The following MSN variants were observed in gnomAD, a reference collection of about 807,000 sequenced individuals.
MSN encodes the protein moesin.
MSN carries 2 observed loss-of-function variants against 48.0 expected under a neutral mutation model. That is an observed-to-expected ratio of 0.04 (90% confidence interval 0.02 to 0.13). MSN has a LOEUF of 0.13. Ranked by LOEUF, MSN falls within the 10% of genes least tolerant of loss-of-function variation. The probability of loss-of-function intolerance (pLI) is 1.00; values close to 1 mark genes in which losing one functional copy is unlikely to be tolerated. For synonymous variants in MSN, 146 were observed against 166.9 expected (o/e 0.87, Z 0.97); for missense variants, 267 against 470.1 (o/e 0.57, Z 3.99).
At chrX:65,736,626 CG>C (rs2071679186) in intron 8 of MSN, among the ~76,000 whole-genome samples, 168 bp from the exon 9 acceptor site, 1 of 110,067 alleles carries the variant, frequency 9.1e-6, no homozygotes, top group African/African-American at 3.3e-5. Flanking sequence ...TTAGTAGAGA[CG>C]GGGTTTCACT....
chrX:65,688,817 A>C (rs920112409), intron 1 of MSN, among the ~76,000 whole-genome samples: 1 of 111,991 alleles, frequency 8.9e-6, no homozygotes. Context: ...CTTCCTGTGT[A>C]ACCCATTCTT....
At chrX:65,690,892 T>C (rs759414375) in intron 1 of MSN, among the ~76,000 whole-genome samples, 2 of 111,447 alleles carry the variant, frequency 1.8e-5, no homozygotes, top group Non-Finnish European at 3.8e-5. Flanking sequence ...AGTGTGGTCT[T>C]TGATTATTTT....
chrX:65,696,837 A>G (rs2071247147), intron 1 of MSN, among the ~76,000 whole-genome samples: 1 of 111,515 alleles, frequency 9.0e-6, no homozygotes, highest in African/African-American at 3.3e-5. Context: ...ACCTCAAGCT[A>G]CATAGGGACC....
intron 1 of MSN, chrX:65,593,127 C>G (rs1190817499): frequency 9.0e-6 from 1 of 111,011 alleles, no homozygotes; most frequent in African/African-American, 3.3e-5. Flanking sequence ...TGGGGCTACC[C>G]CAATCCCCGC....
At chrX:65,615,685 G>T (rs2070363934) in intron 1 of MSN, among the ~76,000 whole-genome samples, 1 of 105,826 alleles carries the variant, frequency 9.4e-6, no homozygotes, top group Admixed American at 1.0e-4. Context: ...AGTTTCTTTT[G>T]CTGTGCAGAA....
At chrX:65,597,573 C>T (rs1440299916) in intron 1 of MSN, among the ~76,000 whole-genome samples, 1 of 111,106 alleles carries the variant, frequency 9.0e-6, no homozygotes, top group African/African-American at 3.3e-5. Flanking sequence ...GTCTTAAACT[C>T]CTAGGCTCAA....
intron 6 of MSN, among the ~76,000 whole-genome samples, 190 bp downstream of exon 6, chrX:65,732,174 C>A (rs1245625082): frequency 9.0e-6 from 1 of 111,375 alleles, no homozygotes; most frequent in East Asian, 2.8e-4. Flanking sequence ...CTCACACTGT[C>A]AACTATGGTA....
chrX:65,615,717 C>T (rs2070364519), intron 1 of MSN, among the ~76,000 whole-genome samples: 1 of 108,680 alleles, frequency 9.2e-6, no homozygotes, highest in African/African-American at 3.4e-5. Context: ...TAATTAGATC[C>T]CATTTGTCAA....
Position 65,735,318 on chromosome X carries a change from T to C in MSN, c.847T>C (p.Leu283=), listed in dbSNP as rs773001168. 1 of 1,210,951 alleles carries C rather than the reference T, an allele frequency of 8.3e-7. No individual in the cohort carries two copies. The highest frequency in any genetic ancestry group is 1.1e-6 in the Non-Finnish European group (1 of 895,106). ...GCGGATTAACAAGCGGATCTTGGCCTTGTGCATGGGGAACCATGAACTATA... is the reference window on the plus strand; with the variant it reads ...GCGGATTAACAAGCGGATCTTGGCCCTGTGCATGGGGAACCATGAACTATA... ...RLRINKRILA[L]CMGNHELYMR... is the part of the protein sequence containing the mutation. Residue 283 remains leucine (L), a synonymous_variant, in exon 8 of 13, where the codon TTG becomes CTG. Coordinates refer to ENST00000360270, the MANE Select transcript of MSN (RefSeq NM_002444.3).
chrX:65,594,873 A>G (rs765508714), intron 1 of MSN, among the ~76,000 whole-genome samples: 1 of 112,017 alleles, frequency 8.9e-6, no homozygotes, highest in East Asian at 2.8e-4. Context: ...AGCTACTTAT[A>G]TAATTAAACA....
In MSN at chrX:65,626,631, A is replaced by AAAC. The variant is rs762645415; in HGVS notation, c.-22+38033_-22+38035dup. Among the ~76,000 whole-genome samples the AAAC allele has an allele frequency of 1.3e-3, 147 of 111,018 alleles. 1 individual carries two copies. Among genetic ancestry groups the AAAC allele is most frequent in the African/African-American group, 4.4e-3 (133 of 30,538 alleles). ...GGAGCTGGAAACAAAAACAAACAAT[A>AAAC]AACAACAACAACAACAGAAAAGCAA... On this transcript the variant is annotated intron_variant, in intron 1 of 3. Transcript: ENST00000609672.
At chrX:65,595,432 C>T (rs1356531084) in intron 1 of MSN, among the ~76,000 whole-genome samples, 1 of 112,055 alleles carries the variant, frequency 8.9e-6, no homozygotes, top group Admixed American at 9.5e-5. Flanking sequence ...GGTCCAGTCT[C>T]CCAGCACACA....
chrX:65,673,668 C>T (rs1347244107), intron 1 of MSN, among the ~76,000 whole-genome samples: 1 of 111,704 alleles, frequency 9.0e-6, no homozygotes, highest in East Asian at 2.8e-4. Flanking sequence ...TCTAGGGCAA[C>T]CCAGAGCTTC....
At chrX:65,704,826 G>A (rs1252591137) in intron 1 of MSN, among the ~76,000 whole-genome samples, 7 of 105,123 alleles carry the variant, frequency 6.7e-5, no homozygotes, top group African/African-American at 2.5e-4. Context: ...CTGGAGTGCA[G>A]TGGCGCAATC....
intron 1 of MSN, among the ~76,000 whole-genome samples, chrX:65,652,741 G>A (rs1402279099): frequency 8.9e-6 from 1 of 112,091 alleles, no homozygotes; most frequent in Admixed American, 9.5e-5. Flanking sequence ...TAGCCTGGGA[G>A]TCAGGAGAAC....
chrX:65,674,300 T>A (rs1383700926), intron 1 of MSN, among the ~76,000 whole-genome samples: 1 of 111,470 alleles, frequency 9.0e-6, no homozygotes, highest in Admixed American at 9.5e-5. Flanking sequence ...AGGTCACATA[T>A]AGTTGGTAAC....
intron 1 of MSN, among the ~76,000 whole-genome samples, chrX:65,699,458 A>G (rs946188723): frequency 8.9e-5 from 10 of 112,301 alleles, no homozygotes; most frequent in South Asian, 3.7e-4. Context: ...CTTGGATGAA[A>G]CAAATGATAA....
At chrX:65,681,734 C>G (rs187479767) in intron 1 of MSN, among the ~76,000 whole-genome samples, 1 of 111,792 alleles carries the variant, frequency 8.9e-6, no homozygotes, top group Non-Finnish European at 1.9e-5. Flanking sequence ...AATGCATCTG[C>G]AAGTGGTCTG....
At chrX:65,709,668 G>C (rs1042482821) in intron 1 of MSN, among the ~76,000 whole-genome samples, 4 of 112,637 alleles carry the variant, frequency 3.6e-5, no homozygotes, top group Non-Finnish European at 5.6e-5. Context: ...TACGTACTTT[G>C]GGCCAGCACT....
Sources: gnomAD v4.1 joint callset for allele counts (sites outside exome capture counted in the v4.1 genomes callset) on GRCh38, gnomAD v4.1.1 for gene constraint, MANE v1.5 for transcripts, NCBI Gene and HGNC (gene_info 2026-07-23, HGNC 2026-07-21) for gene names.